Variants in PLCL1 observed in about 807,000 individuals in gnomAD.
The protein encoded by PLCL1 is inactive phospholipase C-like protein 1.
PLCL1 carries 41 observed loss-of-function variants against 84.4 expected under a neutral mutation model. That is an observed-to-expected ratio of 0.49 (90% CI 0.38 to 0.63). PLCL1 has a LOEUF of 0.63. Among genes scored for constraint, PLCL1 ranks in the 30% least tolerant of loss-of-function variants. PLCL1 has a pLI of 0.00. For synonymous variants in PLCL1, 490 were observed against 488.3 expected (o/e 1.00, Z -0.05); for missense variants, 1,206 against 1,367.8 (o/e 0.88, Z 1.87).
chr2:198,134,519 C>T (rs2105939654), intron 5 of PLCL1, among the ~76,000 whole-genome samples: 1 of 152,278 alleles, frequency 6.6e-6, no homozygotes, highest in Non-Finnish European at 1.5e-5. Context: ...CTTCAGCTAA[C>T]ACAGAACCTG....
intron 1 of PLCL1, among the ~76,000 whole-genome samples, chr2:198,049,186 G>T (rs1010371904): frequency 8.5e-5 from 13 of 152,204 alleles, no homozygotes; most frequent in African/African-American, 2.7e-4. Context: ...GAATCACTGA[G>T]ATTGTTTTGC....
At chr2:197,927,523 G>A (rs1431975203) in intron 1 of PLCL1, among the ~76,000 whole-genome samples, 2 of 152,154 alleles carry the variant, frequency 1.3e-5, no homozygotes, top group African/African-American at 2.4e-5. Context: ...AAGAAGAAAG[G>A]TAGAAAAGCA....
chr2:197,841,181 A>G (rs1297838673), intron 1 of PLCL1, among the ~76,000 whole-genome samples: 1 of 152,174 alleles, frequency 6.6e-6, no homozygotes, highest in Non-Finnish European at 1.5e-5. Flanking sequence ...ATATCAATAT[A>G]TTGAGACCCA....
chr2:197,890,610 C>T (rs191695613), intron 1 of PLCL1, among the ~76,000 whole-genome samples: 2 of 148,582 alleles, frequency 1.3e-5, no homozygotes, highest in African/African-American at 5.0e-5. Context: ...AGATAACCAC[C>T]GTTAACATTT....
intron 1 of PLCL1, among the ~76,000 whole-genome samples, chr2:197,849,066 T>C (rs1687172196): frequency 6.6e-6 from 1 of 152,078 alleles, no homozygotes; most frequent in Non-Finnish European, 1.5e-5. Flanking sequence ...TGGGGTTCTG[T>C]TCCCAAGGCT....
chr2:198,094,238 T>C (rs1408109102), intron 3 of PLCL1, among the ~76,000 whole-genome samples: 1 of 152,110 alleles, frequency 6.6e-6, no homozygotes, highest in East Asian at 1.9e-4. Context: ...ATTTTTTGTA[T>C]TTTTAGTAGA....
intron 1 of PLCL1, among the ~76,000 whole-genome samples, chr2:197,865,588 C>A (rs1687513484): frequency 6.6e-6 from 1 of 152,020 alleles, no homozygotes; most frequent in Non-Finnish European, 1.5e-5. Context: ...TTTTATAAAT[C>A]TTTAAAAACA....
chr2:197,964,024 G>A (rs1689675616), intron 1 of PLCL1, among the ~76,000 whole-genome samples: 1 of 152,098 alleles, frequency 6.6e-6, no homozygotes, highest in South Asian at 2.1e-4. Context: ...ATAACTTGAA[G>A]TCGGATAATG....
chr2:197,945,460 T>G (rs1161532093), intron 1 of PLCL1, among the ~76,000 whole-genome samples: 1 of 152,178 alleles, frequency 6.6e-6, no homozygotes, highest in Non-Finnish European at 1.5e-5. Context: ...AATGTCCCAG[T>G]AAAATGTATA....
intron 5 of PLCL1, among the ~76,000 whole-genome samples, chr2:198,139,186 G>C (rs189103115): frequency 1.3e-5 from 2 of 152,162 alleles, no homozygotes; most frequent in East Asian, 3.9e-4. Flanking sequence ...TGGCAGTTTT[G>C]ATGTGGTGTA....
chr2:197,986,465 C>T (rs1014169986), intron 1 of PLCL1, among the ~76,000 whole-genome samples: 3 of 152,182 alleles, frequency 2.0e-5, no homozygotes, highest in African/African-American at 7.2e-5. Context: ...GGTCCTTCCA[C>T]CTCAGCCTTT....
intron 1 of PLCL1, among the ~76,000 whole-genome samples, chr2:197,999,638 G>A (rs1440999050): frequency 6.6e-6 from 1 of 152,070 alleles, no homozygotes; most frequent in Non-Finnish European, 1.5e-5. Flanking sequence ...AGATGTATAG[G>A]GCGTTGCTGC....
Position 198,147,082 on chromosome 2 carries a change from A to G in PLCL1, c.*120A>G, listed in dbSNP as rs1429377509. On this transcript the variant is annotated 3_prime_UTR_variant, in exon 6 of 6. Transcript: ENST00000428675. The stretch of plus-strand genomic sequence containing the variant: ...TGGTGCCCTATATGGGGTATTGGAC[A>G]TAGATATTTTCACAATGTCAGTATT... 4.3e-6 allele frequency: 3 copies of G among 692,926 alleles called. No individual in the cohort carries two copies. Among genetic ancestry groups the G allele is most frequent in the Non-Finnish European group, 7.0e-6 (3 of 426,078 alleles). The allele number at this position is 692,926 out of a possible 1,614,324, so 42.9% of individuals were successfully genotyped here. A position where few individuals can be genotyped will look rare whatever the true frequency, so the allele number is the denominator to read the frequency against.
chr2:197,903,407 A>C (rs1688305723), intron 1 of PLCL1, among the ~76,000 whole-genome samples: 1 of 151,326 alleles, frequency 6.6e-6, no homozygotes, highest in Admixed American at 6.6e-5. Context: ...ATCTGGCTAA[A>C]GGTTACACAG....
intron 1 of PLCL1, among the ~76,000 whole-genome samples, chr2:197,840,634 T>G (rs1686977333): frequency 6.6e-6 from 1 of 152,048 alleles, no homozygotes; most frequent in South Asian, 2.1e-4. Context: ...CTCAGCATAA[T>G]CTTCTTTAGA....
Position 198,088,983 on chromosome 2 carries a change from G to T in PLCL1, c.2841G>T (p.Met947Ile), listed in dbSNP as rs370504499. The T allele has an allele frequency of 3.3e-5, 54 of 1,613,832 alleles. No individual in the cohort carries two copies. In the Middle Eastern group the frequency reaches 4.9e-4, roughly 15 times the overall value. The change falls in exon 3 of 6, where the codon ATG becomes ATT. Residue 947 changes from methionine (M) to isoleucine (I), a missense_variant. Coordinates refer to ENST00000428675, the MANE Select transcript of PLCL1 (RefSeq NM_006226.4). Reference sequence around the variant, plus strand: ...ATACTCCTTCAGTCTCACTTGTGATGAAAGACAGCTTTCCTTACCTGGAGC... The same window carrying T: ...ATACTCCTTCAGTCTCACTTGTGATTAAAGACAGCTTTCCTTACCTGGAGC... ...SDNTPSVSLVMKDSFPYLEPL... is the reference protein window; with the variant it reads ...SDNTPSVSLVIKDSFPYLEPL...
intron 5 of PLCL1, among the ~76,000 whole-genome samples, chr2:198,136,381 A>T (rs1002027731): frequency 6.6e-6 from 1 of 152,108 alleles, no homozygotes; most frequent in Non-Finnish European, 1.5e-5. Context: ...CCCAAGGTCA[A>T]AAAGCTAGTA....
In PLCL1 at chr2:197,805,132, G is replaced by T; in HGVS notation, c.33G>T (p.Pro11=). The T allele has an allele frequency of 7.6e-7, 1 of 1,313,756 alleles. No homozygotes were observed. Among genetic ancestry groups the T allele is most frequent in the East Asian group, 3.1e-5 (1 of 31,828 alleles). The allele number at this position is 1,313,756 out of a possible 1,614,324, so 81.4% of individuals were successfully genotyped here. The change falls in exon 1 of 6, where the codon CCG becomes CCT. Residue 11 remains proline (P), a synonymous_variant. Coordinates refer to ENST00000428675, the MANE Select transcript of PLCL1 (RefSeq NM_006226.4). This position sits in a 1 kb window ranked among gnomAD's most constrained non-coding sequence, Gnocchi z 4.0. ...AGGGCGCGGCCGGCAGGGAGGATCC[G>T]GCGCCGCCCGACGCGGCGGGGGGCG... The part of the protein sequence containing the change: MAEGAAGRED[P]APPDAAGGED...
At chr2:197,905,431 C>CT (rs1375483158) in intron 1 of PLCL1, among the ~76,000 whole-genome samples, 3 of 152,164 alleles carry the variant, frequency 2.0e-5, no homozygotes, top group African/African-American at 7.2e-5. Context: ...TGAACTCATT[C>CT]TTTTTTATGG....
Sources: allele counts gnomAD v4.1 joint callset (sites outside exome capture counted in the v4.1 genomes callset), GRCh38; gene constraint gnomAD v4.1.1; non-coding constraint Gnocchi (gnomAD v3.1); transcripts MANE v1.5; gene names NCBI Gene and HGNC (gene_info 2026-07-23, HGNC 2026-07-21).